The following TBL1XR1 variants were observed in gnomAD, a reference collection of about 807,000 sequenced individuals.
The protein encoded by TBL1XR1 is TBL1X/Y related 1.
A neutral mutation model predicts 66.9 loss-of-function variants in TBL1XR1; 5 were observed. That is an observed-to-expected ratio of 0.07 (90% CI 0.04 to 0.16). TBL1XR1 has a LOEUF of 0.16. Ranked by LOEUF, TBL1XR1 falls within the 10% of genes least tolerant of loss-of-function variation. The pLI is 1.00. For missense variants in TBL1XR1, 238 were observed against 623.2 expected, an observed-to-expected ratio of 0.38 and a Z score of 6.58; for synonymous variants, 210 against 206.0, an observed-to-expected ratio of 1.02 and a Z score of -0.17.
chr3:177,193,132 AAC>A (rs1345055400), intron 1 of TBL1XR1, among the ~76,000 whole-genome samples: 17 of 151,732 alleles, frequency 1.1e-4, no homozygotes, highest in African/African-American at 3.9e-4. Context: ...CAGCCTGGGC[AAC>A]AGAGCGAAAC....
chr3:177,136,574 C>T (rs1436520984), intron 1 of TBL1XR1, among the ~76,000 whole-genome samples: 7 of 152,364 alleles, frequency 4.6e-5, no homozygotes, highest in Admixed American at 4.6e-4. Context: ...GCCACCACGC[C>T]TGGCCATCCT....
chr3:177,138,360 C>A (rs548649998), intron 1 of TBL1XR1, among the ~76,000 whole-genome samples: 3 of 152,118 alleles, frequency 2.0e-5, no homozygotes, highest in African/African-American at 7.2e-5. Flanking sequence ...TTTGAGAGGC[C>A]GAGGTGGGAG....
chr3:177,188,991 A>AG (rs1354176684), intron 1 of TBL1XR1, among the ~76,000 whole-genome samples: 1 of 151,818 alleles, frequency 6.6e-6, no homozygotes, highest in Non-Finnish European at 1.5e-5. Flanking sequence ...GTGGATCACG[A>AG]GGTCAGGGGT....
intron 2 of TBL1XR1, among the ~76,000 whole-genome samples, chr3:177,071,829 T>C (rs1011093204): frequency 2.0e-5 from 3 of 152,176 alleles, no homozygotes; most frequent in African/African-American, 7.2e-5. Context: ...CAACTTTTAT[T>C]GAAAACTAGG....
Position 177,197,322 on chromosome 3 carries a change from T to G in TBL1XR1, c.-323A>C. 1.6e-5 allele frequency: 2 copies of G among 121,490 alleles called. No individual in the cohort carries two copies. Among genetic ancestry groups the G allele is most frequent in the Non-Finnish European group, 3.5e-5 (2 of 56,636 alleles). 7.5% of individuals were successfully genotyped at this position (121,490 alleles called of 1,614,324 possible). Reference sequence around the variant, plus strand: ...GCGGGGGCGGGGAGCGCGGCGCGGGTCCCCAGGTGGCGAGCGGAGGTGCTC... The same window carrying G: ...GCGGGGGCGGGGAGCGCGGCGCGGGGCCCCAGGTGGCGAGCGGAGGTGCTC... On this transcript the variant is annotated 5_prime_UTR_variant, in exon 1 of 16. Transcript: ENST00000457928.
At chr3:177,060,105 AG>A (rs1432925697) in intron 3 of TBL1XR1, among the ~76,000 whole-genome samples, 4 of 152,142 alleles carry the variant, frequency 2.6e-5, no homozygotes, top group Admixed American at 6.5e-5. Context: ...CTGATCCACC[AG>A]TGGCTTCCTT....
At position 177,023,881 on chromosome 3, in the gene TBL1XR1, CGA is replaced by C. The variant is rs1014268378; in HGVS notation, c.*1615_*1616del. On this transcript the variant is annotated 3_prime_UTR_variant, in exon 16 of 16. Coordinates refer to ENST00000457928, the MANE Select transcript of TBL1XR1 (RefSeq NM_024665.7). Reference sequence around the variant, plus strand: ...TAAGCAATTCCTTAATTAAAATCTTCGAGATATAAATTTGATGACTATTCTCT... The same window carrying C: ...TAAGCAATTCCTTAATTAAAATCTTCGATATAAATTTGATGACTATTCTCT... The C allele has an allele frequency of 1.3e-5, 2 of 151,924 alleles. No individual in the cohort carries two copies. The highest frequency in any genetic ancestry group is 4.8e-5 in the African/African-American group (2 of 41,396). 9.4% of individuals were successfully genotyped at this position (151,924 alleles called of 1,614,324 possible).
At chr3:177,136,576 G>A (rs1729025663) in intron 1 of TBL1XR1, among the ~76,000 whole-genome samples, 1 of 152,160 alleles carries the variant, frequency 6.6e-6, no homozygotes, top group Non-Finnish European at 1.5e-5. Flanking sequence ...CACCACGCCT[G>A]GCCATCCTCT....
intron 12 of TBL1XR1, among the ~76,000 whole-genome samples, chr3:177,034,713 C>G: frequency 6.7e-6 from 1 of 150,324 alleles, no homozygotes; most frequent in Non-Finnish European, 1.5e-5. Context: ...CAATGGAGAA[C>G]TGAAAATAAA....
intron 2 of TBL1XR1, among the ~76,000 whole-genome samples, chr3:177,071,217 A>C (rs1719967848): frequency 6.6e-6 from 1 of 152,022 alleles, no homozygotes; most frequent in Non-Finnish European, 1.5e-5. Flanking sequence ...TTTTCAGTAG[A>C]GACGGGGTTT....
At chr3:177,083,886 G>A (rs568641060) in intron 2 of TBL1XR1, among the ~76,000 whole-genome samples, 28 of 151,906 alleles carry the variant, frequency 1.8e-4, no homozygotes, top group African/African-American at 6.8e-4. Flanking sequence ...TCAGGAGTTC[G>A]AGATCAGCCT....
intron 1 of TBL1XR1, among the ~76,000 whole-genome samples, chr3:177,182,878 T>A (rs997109977): frequency 1.1e-4 from 16 of 152,226 alleles, no homozygotes; most frequent in African/African-American, 3.6e-4. Context: ...TAATGGGATA[T>A]AAGAAACTTT....
At chr3:177,092,213 G>A (rs1722922681) in intron 2 of TBL1XR1, among the ~76,000 whole-genome samples, 2 of 151,982 alleles carry the variant, frequency 1.3e-5, no homozygotes. Context: ...TCAGATTAGA[G>A]GTATTCCATC....
At chr3:177,078,062 G>A (rs1447367104) in intron 2 of TBL1XR1, among the ~76,000 whole-genome samples, 4 of 152,106 alleles carry the variant, frequency 2.6e-5, no homozygotes, top group African/African-American at 4.8e-5. Flanking sequence ...CCCACTAAGT[G>A]TTAACATTAT....
At chr3:177,087,634 C>A (rs551516268) in intron 2 of TBL1XR1, among the ~76,000 whole-genome samples, 3 of 151,978 alleles carry the variant, frequency 2.0e-5, no homozygotes, top group Non-Finnish European at 4.4e-5. Context: ...CTGTATGAAA[C>A]TAGAAGTTCC....
intron 1 of TBL1XR1, among the ~76,000 whole-genome samples, chr3:177,132,382 G>C (rs1728409657): frequency 6.6e-6 from 1 of 152,100 alleles, no homozygotes; most frequent in Admixed American, 6.6e-5. Context: ...TCCACTGATG[G>C]GAGGCACCCT....
intron 1 of TBL1XR1, among the ~76,000 whole-genome samples, chr3:177,154,133 A>T (rs1229246744): frequency 6.6e-6 from 1 of 152,052 alleles, no homozygotes; most frequent in Non-Finnish European, 1.5e-5. Context: ...ATCCAACTAT[A>T]TCCTGTTTAA....
intron 1 of TBL1XR1, among the ~76,000 whole-genome samples, chr3:177,118,564 T>G (rs1388931828): frequency 6.6e-6 from 1 of 152,228 alleles, no homozygotes; most frequent in Admixed American, 6.5e-5. Context: ...AGGAAGACTT[T>G]AAAGAGAATC....
At chr3:177,149,669 G>A (rs531862970) in intron 1 of TBL1XR1, among the ~76,000 whole-genome samples, 33 of 152,166 alleles carry the variant, frequency 2.2e-4, no homozygotes, top group Non-Finnish European at 3.7e-4. Context: ...ACCTGCTTTC[G>A]TATGGCCCAT....
Sources: gnomAD v4.1 joint callset for allele counts (sites outside exome capture counted in the v4.1 genomes callset) on GRCh38, gnomAD v4.1.1 for gene constraint, MANE v1.5 for transcripts, NCBI Gene and HGNC (gene_info 2026-07-23, HGNC 2026-07-21) for gene names.